Variants in PDE11A observed in about 807,000 individuals in gnomAD.
The protein encoded by PDE11A is dual 3',5'-cyclic-AMP and -GMP phosphodiesterase 11A.
A neutral mutation model predicts 100.5 loss-of-function variants in PDE11A; 100 were observed. The ratio of observed to expected loss-of-function variants is 1.00; its 90% CI spans 0.85 to 1.18. The LOEUF (loss-of-function observed/expected upper bound fraction) is 1.18. PDE11A is among the 50% of genes most tolerant of loss of function. The pLI is 0.00. For synonymous variants in PDE11A, 381 were observed against 420.8 expected (o/e 0.91, Z 1.16); for missense variants, 1,141 against 1,152.6 (o/e 0.99, Z 0.15).
intron 10 of PDE11A, among the ~76,000 whole-genome samples, chr2:177,738,762 C>T (rs761671575): frequency 6.6e-6 from 1 of 152,138 alleles, no homozygotes; most frequent in Non-Finnish European, 1.5e-5. Context: ...CTTGATAGCA[C>T]ACAGGCATGA....
chr2:177,830,456 C>A (rs1320140874), intron 6 of PDE11A, among the ~76,000 whole-genome samples: 3 of 151,890 alleles, frequency 2.0e-5, no homozygotes, highest in African/African-American at 7.3e-5. Context: ...GAAAAATTAG[C>A]CAGCCATGGT....
rs770495920 is a variant in PDE11A, at chr2:177,840,219, CTT to C, written c.1500+30_1500+31del. On this transcript the variant is annotated intron_variant, in intron 6 of 19. Coordinates refer to ENST00000286063, the MANE Select transcript of PDE11A (RefSeq NM_016953.4). ...GTTTTCAACAGTGCGACAACTGAAA[CTT>C]AGGATTGCAACCAGAGGGGCTCCTC... 1.9e-6 allele frequency: 3 copies of C among 1,612,274 alleles called. No individual in the cohort carries two copies. In the African/African-American group the frequency reaches 4.0e-5, roughly 22 times the overall value.
At chr2:178,063,752 T>C (rs916270400) in intron 1 of PDE11A, among the ~76,000 whole-genome samples, 22 of 152,164 alleles carry the variant, frequency 1.4e-4, no homozygotes, top group African/African-American at 5.3e-4. Context: ...ATATCAGAGG[T>C]ACCCTCAAAA....
chr2:178,003,904 A>C (rs1170880638), intron 2 of PDE11A, among the ~76,000 whole-genome samples: 1 of 152,164 alleles, frequency 6.6e-6, no homozygotes, highest in Non-Finnish European at 1.5e-5. Flanking sequence ...TTATTTGTAA[A>C]GATGTCAATA....
At chr2:177,878,522 C>A (rs1223104269) in intron 4 of PDE11A, among the ~76,000 whole-genome samples, 2 of 152,054 alleles carry the variant, frequency 1.3e-5, no homozygotes, top group Admixed American at 6.6e-5. Context: ...TGAAAGGGAG[C>A]CAAACCACAT....
At chr2:178,053,768 A>C (rs997674176) in intron 1 of PDE11A, among the ~76,000 whole-genome samples, 1 of 152,118 alleles carries the variant, frequency 6.6e-6, no homozygotes, top group African/African-American at 2.4e-5. Context: ...CACGATTGCT[A>C]TAAAGAGAAT....
At chr2:177,847,022 A>G (rs2083612267) in intron 5 of PDE11A, among the ~76,000 whole-genome samples, 1 of 152,122 alleles carries the variant, frequency 6.6e-6, no homozygotes, top group Admixed American at 6.5e-5. Context: ...AATAGTTAAC[A>G]TGTCACCCAT....
intron 5 of PDE11A, among the ~76,000 whole-genome samples, chr2:177,850,919 C>A (rs1261319516): frequency 6.6e-6 from 1 of 152,186 alleles, no homozygotes; most frequent in Non-Finnish European, 1.5e-5. Context: ...GAAATAGGAA[C>A]ACTTTTACAC....
chr2:178,007,964 C>T (rs1208018256), intron 2 of PDE11A, among the ~76,000 whole-genome samples: 2 of 151,972 alleles, frequency 1.3e-5, no homozygotes, highest in Admixed American at 1.3e-4. Flanking sequence ...CCTCGGCCTC[C>T]TAAAGTGCTC....
At chr2:177,775,308 C>G (rs960707862) in intron 9 of PDE11A, among the ~76,000 whole-genome samples, 5 of 152,198 alleles carry the variant, frequency 3.3e-5, no homozygotes, top group Non-Finnish European at 7.3e-5. Context: ...CTCTCTCAGT[C>G]TTCCCCAGCT....
chr2:177,631,571 A>G (rs74176577), intron 19 of PDE11A, among the ~76,000 whole-genome samples: 27,519 of 41,576 alleles, frequency 0.66, 11,030 homozygotes, highest in East Asian at 0.85. Flanking sequence ...ATATATATAC[A>G]TGTATATATA....
rs367706521 is a variant in PDE11A, at chr2:177,819,966, T to C, written c.1576+254A>G. 1.9e-3 allele frequency among the ~76,000 whole-genome samples: 283 copies of C among 151,630 alleles called. 2 individuals carry two copies. The highest frequency in any genetic ancestry group is 6.4e-3 in the African/African-American group (264 of 41,350). The stretch of plus-strand genomic sequence containing the variant: ...TCCACAGGGTGAGATAAAAGAGTTC[T>C]ATTGGTTGATAACTCAGATTCTCTA... On this transcript the variant is annotated intron_variant, in intron 7 of 19. Transcript: ENST00000286063.
chr2:178,037,500 ACCCAGCAAT>A (rs986149163), intron 1 of PDE11A, among the ~76,000 whole-genome samples: 16 of 152,328 alleles, frequency 1.1e-4, no homozygotes, highest in African/African-American at 3.8e-4. Flanking sequence ...ATATCACTTG[ACCCAGCAAT>A]CCCATTACTG....
intron 1 of PDE11A, chr2:178,105,788 C>A (rs145207229): frequency 0.01 from 9,620 of 920,960 alleles, 123 homozygotes; most frequent in East Asian, 0.047. Context: ...CTCCACCCCT[C>A]CCTATCTCAC....
intron 4 of PDE11A, among the ~76,000 whole-genome samples, chr2:177,897,510 T>C (rs1041209729): frequency 6.6e-6 from 1 of 152,302 alleles, no homozygotes; most frequent in African/African-American, 2.4e-5. Flanking sequence ...CCTGGAAGCC[T>C]CCACAGGACA....
At chr2:177,659,116 C>T (rs1249394971) in intron 19 of PDE11A, among the ~76,000 whole-genome samples, 2 of 151,874 alleles carry the variant, frequency 1.3e-5, no homozygotes, top group Admixed American at 6.6e-5. Flanking sequence ...AAAAAATTAG[C>T]CAGGTGTGGT....
intron 5 of PDE11A, among the ~76,000 whole-genome samples, chr2:177,860,027 A>G (rs1317218323): frequency 2.0e-5 from 3 of 151,902 alleles, no homozygotes; most frequent in Non-Finnish European, 2.9e-5. Context: ...AAGGTCTCAA[A>G]TCAATAACCT....
intron 2 of PDE11A, among the ~76,000 whole-genome samples, chr2:177,936,439 G>A (rs565790655): frequency 9.2e-5 from 14 of 152,244 alleles, no homozygotes; most frequent in African/African-American, 3.4e-4. Flanking sequence ...AGCCACCCCT[G>A]TGCTCTTGAT....
intron 2 of PDE11A, among the ~76,000 whole-genome samples, chr2:178,001,311 T>TGTGTGTGTGTGTGTGTGG (rs59287027): frequency 5.4e-4 from 80 of 148,132 alleles, no homozygotes; most frequent in South Asian, 2.8e-3. Flanking sequence ...TGTGTGTGTG[T>TGTGTGTGTGTGTGTGTGG]AGTAGGTTTA....
Sources: allele counts gnomAD v4.1 joint callset (sites outside exome capture counted in the v4.1 genomes callset), GRCh38; gene constraint gnomAD v4.1.1; transcripts MANE v1.5; gene names NCBI Gene and HGNC (gene_info 2026-07-23, HGNC 2026-07-21).